The following CAPN8 variants were observed in gnomAD, a reference collection of about 807,000 sequenced individuals.
CAPN8 encodes calpain-8.
Under a neutral mutation model 80.9 loss-of-function variants are expected in CAPN8, and 87 were observed. The observed-to-expected ratio is 1.07, with a 90% CI of 0.90 to 1.28. The LOEUF (loss-of-function observed/expected upper bound fraction) is 1.28. CAPN8 is among the 50% of genes most tolerant of loss of function. The probability of loss-of-function intolerance (pLI) is 0.00; values close to 1 mark genes in which losing one functional copy is unlikely to be tolerated. For synonymous variants in CAPN8, 299 were observed against 273.8 expected (o/e 1.09, Z -0.91); for missense variants, 757 against 702.0 (o/e 1.08, Z -0.89).
At position 223,647,187 on chromosome 1, in the gene CAPN8, C is replaced by T. The variant is rs889922190; in HGVS notation, c.307+7143G>A. ...AGAAGTCTCCCCTGGTGGAAGGAGC[C>T]CAGCATTCCTGTAAGGCAGGATTCT... On this transcript the variant is annotated intron_variant, in intron 2 of 20. Coordinates refer to ENST00000366872, the MANE Select transcript of CAPN8 (RefSeq NM_001143962.2). 6.6e-4 allele frequency among the ~76,000 whole-genome samples: 100 copies of T among 152,246 alleles called. 1 individual carries two copies. Among genetic ancestry groups the T allele is most frequent in the African/African-American group, 2.4e-3 (98 of 41,524 alleles).
chr1:223,619,821 G>A (rs747877045), intron 8 of CAPN8, among the ~76,000 whole-genome samples: 8 of 152,190 alleles, frequency 5.3e-5, no homozygotes, highest in South Asian at 2.1e-4. Context: ...CAGCTAAGCC[G>A]TACCATATTC....
chr1:223,638,579 A>G (rs1017168502), intron 2 of CAPN8, among the ~76,000 whole-genome samples: 1 of 152,202 alleles, frequency 6.6e-6, no homozygotes, highest in East Asian at 1.9e-4. Context: ...CTTTGCTGAT[A>G]AGGAACAATT....
At chr1:223,619,512 C>A in intron 8 of CAPN8, 59 bp from the exon 9 acceptor site, 2 of 1,535,424 alleles carry the variant, frequency 1.3e-6, no homozygotes, top group Non-Finnish European at 1.8e-6. Flanking sequence ...ATTAAAGGCA[C>A]GCATACTGAG....
intron 2 of CAPN8, among the ~76,000 whole-genome samples, chr1:223,641,715 G>A (rs1346156462): frequency 2.0e-5 from 3 of 152,182 alleles, no homozygotes; most frequent in Non-Finnish European, 4.4e-5. Flanking sequence ...CCAGTGCTAT[G>A]CACTTCCTAG....
intron 16 of CAPN8, among the ~76,000 whole-genome samples, chr1:223,547,405 G>A (rs1414609666): frequency 6.6e-6 from 1 of 152,164 alleles, no homozygotes. Context: ...GTCCACAATA[G>A]ACAAATTTGT....
intron 6 of CAPN8, among the ~76,000 whole-genome samples, chr1:223,625,047 T>G (rs1657526035): frequency 2.0e-5 from 3 of 152,100 alleles, no homozygotes; most frequent in Non-Finnish European, 4.4e-5. Flanking sequence ...GAGCCGAGAT[T>G]GCATCACTGC....
chr1:223,549,175 C>A, intron 16 of CAPN8, 143 bp downstream of exon 16: 1 of 1,081,996 alleles, frequency 9.2e-7, no homozygotes, highest in Non-Finnish European at 1.3e-6. Context: ...GCTTCAAGTA[C>A]AATCCTTGAC....
chr1:223,554,526 C>G (rs1656863865), intron 13 of CAPN8, among the ~76,000 whole-genome samples: 2 of 151,828 alleles, frequency 1.3e-5, no homozygotes, highest in Non-Finnish European at 2.9e-5. Flanking sequence ...AGGCTGAGGC[C>G]ACAGTGAGCC....
At chr1:223,631,499 C>T (rs565842403) in intron 2 of CAPN8, among the ~76,000 whole-genome samples, 33 of 152,202 alleles carry the variant, frequency 2.2e-4, no homozygotes, top group Non-Finnish European at 3.7e-4. Context: ...TCCCTCATCC[C>T]TCTCTGACCT....
chr1:223,547,799 A>G (rs1434230803), intron 16 of CAPN8, among the ~76,000 whole-genome samples: 2 of 152,222 alleles, frequency 1.3e-5, no homozygotes, highest in Admixed American at 6.5e-5. Flanking sequence ...TGGGTAGATT[A>G]CAAGGCAACT....
chr1:223,553,773 C>G, intron 14 of CAPN8, 59 bp downstream of exon 14: 1 of 398,494 alleles, frequency 2.5e-6, no homozygotes. Flanking sequence ...ATGAAGTGAC[C>G]TGAGCATTCC....
intron 2 of CAPN8, among the ~76,000 whole-genome samples, chr1:223,637,065 A>G (rs1464268770): frequency 6.6e-6 from 1 of 151,972 alleles, no homozygotes; most frequent in Non-Finnish European, 1.5e-5. Flanking sequence ...TCTGACACTC[A>G]CCTCTCTGAA....
intron 10 of CAPN8, among the ~76,000 whole-genome samples, chr1:223,613,090 C>T (rs1258434030): frequency 6.6e-6 from 1 of 152,162 alleles, no homozygotes; most frequent in Admixed American, 6.5e-5. Flanking sequence ...GATTCAGACC[C>T]CATAATTTGT....
chr1:223,544,855 A>G lies in CAPN8; in HGVS notation c.1834-5T>C. On this transcript the variant is annotated splice_polypyrimidine_tract_variant and splice_region_variant and intron_variant, in intron 17 of 20. Coordinates refer to ENST00000366872, the MANE Select transcript of CAPN8 (RefSeq NM_001143962.2). ...ATCAGTTTCCCAATAGATCTCCTAAAGCAGGAAAGAAATCCCAAGTAGAAA... is the reference window on the plus strand; with the variant it reads ...ATCAGTTTCCCAATAGATCTCCTAAGGCAGGAAAGAAATCCCAAGTAGAAA... 3 of 1,551,674 alleles carry G rather than the reference A, an allele frequency of 1.9e-6. No homozygotes were observed. The highest frequency in any genetic ancestry group is 2.6e-6 in the Non-Finnish European group (3 of 1,147,000).
intron 2 of CAPN8, chr1:223,629,035 C>T (rs772749516): frequency 5.5e-5 from 26 of 475,402 alleles, no homozygotes; most frequent in Admixed American, 7.4e-5. Context: ...GATCATTTCC[C>T]CACTCCTACA....
intron 1 of CAPN8, among the ~76,000 whole-genome samples, chr1:223,660,503 A>G (rs1658615804): frequency 6.6e-6 from 1 of 152,224 alleles, no homozygotes; most frequent in Non-Finnish European, 1.5e-5. Context: ...CCTATGCTTG[A>G]CCTTGAGCCC....
chr1:223,622,946 G>A (rs760324217), intron 6 of CAPN8, 46 bp from the exon 7 acceptor site: 30 of 1,474,304 alleles, frequency 2.0e-5, no homozygotes, highest in Non-Finnish European at 2.7e-5. Flanking sequence ...CTATGCTCCT[G>A]TTGCCTTGCA....
chr1:223,647,445 T>C (rs1010559129), intron 2 of CAPN8, among the ~76,000 whole-genome samples: 1 of 152,204 alleles, frequency 6.6e-6, no homozygotes, highest in African/African-American at 2.4e-5. Context: ...ACATGTAAAA[T>C]GTAGATTCAC....
intron 13 of CAPN8, among the ~76,000 whole-genome samples, chr1:223,554,352 G>T (rs1656860450): frequency 6.6e-6 from 1 of 152,192 alleles, no homozygotes; most frequent in Admixed American, 6.5e-5. Context: ...GGGTGCAGTG[G>T]CTCACACCTG....
Sources: gnomAD v4.1 joint callset for allele counts (sites outside exome capture counted in the v4.1 genomes callset) on GRCh38, gnomAD v4.1.1 for gene constraint, MANE v1.5 for transcripts, NCBI Gene and HGNC (gene_info 2026-07-23, HGNC 2026-07-21) for gene names.